Variants in ARHGDIB observed in about 807,000 individuals in gnomAD.
ARHGDIB encodes the protein rho GDP-dissociation inhibitor 2.
A neutral mutation model predicts 22.6 loss-of-function variants in ARHGDIB; 20 were observed. The observed-to-expected ratio is 0.88, with a 90% confidence interval of 0.62 to 1.28. The LOEUF (loss-of-function observed/expected upper bound fraction) is 1.28, where lower values mean the gene tolerates loss of function less well. ARHGDIB is among the 50% of genes most tolerant of loss of function. The pLI, the probability that ARHGDIB is intolerant of heterozygous loss-of-function variation, is 0.00. For missense variants in ARHGDIB, 254 were observed against 245.4 expected, an observed-to-expected ratio of 1.04 and a Z score of -0.23; for synonymous variants, 114 against 96.1, an observed-to-expected ratio of 1.19 and a Z score of -1.09.
intron 1 of ARHGDIB, among the ~76,000 whole-genome samples, chr12:14,957,721 C>T (rs750060780): frequency 3.3e-5 from 5 of 152,056 alleles, no homozygotes; most frequent in African/African-American, 7.2e-5. Flanking sequence ...ACCACAGAGA[C>T]TTAACTCACG....
chr12:14,956,753 G>A (rs569755790), intron 1 of ARHGDIB, among the ~76,000 whole-genome samples: 9 of 152,234 alleles, frequency 5.9e-5, no homozygotes, highest in African/African-American at 2.2e-4. Context: ...TCACATTGGA[G>A]GCCTCACATC....
At chr12:14,950,804 C>A in intron 1 of ARHGDIB, 80 bp from the exon 2 acceptor site, 1 of 1,184,716 alleles carries the variant, frequency 8.4e-7, no homozygotes. Flanking sequence ...TAGCAGCCTC[C>A]TTACCCTCAT....
At chr12:14,951,604 C>T (rs1349958287) in intron 1 of ARHGDIB, among the ~76,000 whole-genome samples, 1 of 151,790 alleles carries the variant, frequency 6.6e-6, no homozygotes, top group African/African-American at 2.4e-5. Context: ...CCCTTCTCCC[C>T]TTCCTAGGTT....
At position 14,942,341 on chromosome 12, in the gene ARHGDIB, G is replaced by T; in HGVS notation, c.*181C>A. 3.0e-6 allele frequency: 2 copies of T among 667,362 alleles called. No homozygotes were observed. Among genetic ancestry groups the T allele is most frequent in the South Asian group, 3.8e-5 (2 of 52,610 alleles). The allele number at this position is 667,362 out of a possible 1,614,324, so 41.3% of individuals were successfully genotyped here. A position where few individuals can be genotyped will look rare whatever the true frequency, so the allele number is the denominator to read the frequency against. On this transcript the variant is annotated 3_prime_UTR_variant, in exon 6 of 6. Transcript: ENST00000228945. ...GAGGGAGCAGGTTGGGTGAAAGCCC[G>T]GTTTTAAGCCTCTTGTTCTAGGGAC... is the stretch of plus-strand genomic sequence containing the variant.
intron 3 of ARHGDIB, 55 bp from the exon 4 acceptor site, chr12:14,948,004 T>C: frequency 6.7e-7 from 1 of 1,482,498 alleles, no homozygotes; most frequent in South Asian, 1.1e-5. Context: ...CACAAGTTAA[T>C]AAATGACTTT....
rs752575079 is a variant in ARHGDIB at position 14,959,079 on chromosome 12, C to T, written c.-13+2458G>A. On this transcript the variant is annotated intron_variant, in intron 1 of 5. Coordinates refer to ENST00000228945, the MANE Select transcript of ARHGDIB (RefSeq NM_001175.7). ...TCGAGGCTGCAGTGAGCTGCGTTCA[C>T]GCCCCTGCACTTCAGCTCGGGTGAC... Among the ~76,000 whole-genome samples the T allele has an allele frequency of 5.3e-4, 81 of 152,178 alleles. 1 individual carries two copies. The highest frequency in any genetic ancestry group is 1.1e-3 in the Non-Finnish European group (74 of 68,032).
intron 5 of ARHGDIB, 22 bp from the exon 6 acceptor site, chr12:14,942,743 T>C (rs2120661750): frequency 6.2e-7 from 1 of 1,609,156 alleles, no homozygotes; most frequent in East Asian, 2.2e-5. Flanking sequence ...GAAGAGTTCA[T>C]TAGGGTAAGA....
intron 1 of ARHGDIB, among the ~76,000 whole-genome samples, chr12:14,958,166 G>A (rs559815614): frequency 5.9e-5 from 9 of 152,240 alleles, no homozygotes; most frequent in Middle Eastern, 3.4e-3. Context: ...TGTATTACGG[G>A]ATTGCAAATT....
At chr12:14,949,691 T>C in intron 3 of ARHGDIB, 111 bp downstream of exon 3, 2 of 930,188 alleles carry the variant, frequency 2.2e-6, no homozygotes, top group Non-Finnish European at 3.5e-6. Context: ...GGTCCTAGCA[T>C]ATATATCTCT....
At chr12:14,948,917 T>C (rs1282434528) in intron 3 of ARHGDIB, 2 of 152,530 alleles carry the variant, frequency 1.3e-5, no homozygotes, top group Non-Finnish European at 2.9e-5. Flanking sequence ...ATGATTTCAG[T>C]TGAACAGGAA....
intron 3 of ARHGDIB, 151 bp from the exon 4 acceptor site, chr12:14,948,100 G>GTGCGCA: frequency 4.6e-6 from 2 of 436,272 alleles, no homozygotes; most frequent in Non-Finnish European, 8.5e-6. Flanking sequence ...TTTAGTCCTT[G>GTGCGCA]CACACACACA....
At chr12:14,943,365 G>T (rs1325780274) in intron 5 of ARHGDIB, among the ~76,000 whole-genome samples, 1 of 149,982 alleles carries the variant, frequency 6.7e-6, no homozygotes, top group Non-Finnish European at 1.5e-5. Context: ...TAAATCAATG[G>T]GGATTAAGCC....
chr12:14,945,442 C>T (rs1305935728), intron 4 of ARHGDIB, among the ~76,000 whole-genome samples: 1 of 152,206 alleles, frequency 6.6e-6, no homozygotes, highest in African/African-American at 2.4e-5. Flanking sequence ...TGAGATCTTG[C>T]TATTTTCCCA....
chr12:14,947,760 G>A, intron 4 of ARHGDIB, 113 bp downstream of exon 4: 1 of 908,746 alleles, frequency 1.1e-6, no homozygotes, highest in Non-Finnish European at 1.7e-6. Context: ...CAGCTTGGGG[G>A]TACTAGGGGA....
At chr12:14,953,079 T>C (rs1173367988) in intron 1 of ARHGDIB, among the ~76,000 whole-genome samples, 1 of 152,210 alleles carries the variant, frequency 6.6e-6, no homozygotes, top group Non-Finnish European at 1.5e-5. Context: ...TAGGTCTTGA[T>C]CTTCTCATCA....
At chr12:14,951,726 T>C (rs1475175289) in intron 1 of ARHGDIB, among the ~76,000 whole-genome samples, 1 of 151,080 alleles carries the variant, frequency 6.6e-6, no homozygotes, top group Non-Finnish European at 1.5e-5. Context: ...TCTAGGCAAG[T>C]TATTTACCTG....
At chr12:14,948,203 T>C (rs1864075335) in intron 3 of ARHGDIB, among the ~76,000 whole-genome samples, 3 of 152,036 alleles carry the variant, frequency 2.0e-5, no homozygotes, top group African/African-American at 7.2e-5. Flanking sequence ...CCAAGTTTGA[T>C]GACAATGCTA....
Position 14,943,950 on chromosome 12 carries a change from A to G in ARHGDIB, c.406+826T>C, listed in dbSNP as rs542410774. Among the ~76,000 whole-genome samples the G allele has an allele frequency of 3.9e-5, 6 of 152,338 alleles. No individual in the cohort carries two copies. In the South Asian group the frequency reaches 1.2e-3, roughly 32 times the overall value. On this transcript the variant is annotated intron_variant, in intron 5 of 5. Coordinates refer to ENST00000228945, the MANE Select transcript of ARHGDIB (RefSeq NM_001175.7). ...ATGAGACTAGGTATCGGAAAGGCCA[A>G]TCAATATCTTTCAGGTCAATGGTCT...
At chr12:14,944,896 AT>A (rs2120678887) in intron 4 of ARHGDIB, 57 bp from the exon 5 acceptor site, 1 of 1,488,876 alleles carries the variant, frequency 6.7e-7, no homozygotes, top group Non-Finnish European at 9.3e-7. Context: ...ATTTTTTCTC[AT>A]CTTTCATGCT....
Sources: allele counts gnomAD v4.1 joint callset (sites outside exome capture counted in the v4.1 genomes callset), GRCh38; gene constraint gnomAD v4.1.1; transcripts MANE v1.5; gene names NCBI Gene and HGNC (gene_info 2026-07-23, HGNC 2026-07-21).